The following PRKN variants were observed in gnomAD, a reference collection of about 807,000 sequenced individuals.
PRKN encodes E3 ubiquitin-protein ligase parkin.
In PRKN, 56 loss-of-function variants were observed where a neutral mutation model predicts 59.5. That is an observed-to-expected ratio of 0.94 (90% CI 0.76 to 1.18). The LOEUF is 1.18. PRKN is among the 50% of genes most tolerant of loss of function. The pLI is 0.00. For missense variants in PRKN, 657 were observed against 596.4 expected, an observed-to-expected ratio of 1.10 and a Z score of -1.06; for synonymous variants, 250 against 222.1, an observed-to-expected ratio of 1.13 and a Z score of -1.12.
chr6:162,143,180 G>T (rs911114738), intron 4 of PRKN, among the ~76,000 whole-genome samples: 2 of 152,236 alleles, frequency 1.3e-5, no homozygotes, highest in African/African-American at 4.8e-5. Flanking sequence ...TGGTAAAATG[G>T]CCACCCACAA....
At chr6:162,707,138 C>T (rs531670394) in intron 1 of PRKN, among the ~76,000 whole-genome samples, 2 of 151,978 alleles carry the variant, frequency 1.3e-5, no homozygotes, top group Non-Finnish European at 2.9e-5. Flanking sequence ...AGCAGAGTTT[C>T]CCCAGCAAAT....
chr6:161,927,689 T>A (rs1416253160), intron 6 of PRKN, among the ~76,000 whole-genome samples: 1 of 152,114 alleles, frequency 6.6e-6, no homozygotes, highest in Non-Finnish European at 1.5e-5. Context: ...AAAATTACTT[T>A]GCTTGAACTT....
intron 7 of PRKN, among the ~76,000 whole-genome samples, chr6:161,617,672 T>C (rs756312590): frequency 2.6e-5 from 4 of 152,232 alleles, no homozygotes; most frequent in Non-Finnish European, 5.9e-5. Context: ...TTTTTTCTTA[T>C]TTCTTTTTAG....
chr6:162,547,987 C>T (rs1779183479), intron 1 of PRKN, among the ~76,000 whole-genome samples: 1 of 152,172 alleles, frequency 6.6e-6, no homozygotes. Flanking sequence ...ACAAAGTCAG[C>T]AGGGATCGAG....
At chr6:162,317,111 T>C (rs1201487911) in intron 2 of PRKN, among the ~76,000 whole-genome samples, 3 of 152,036 alleles carry the variant, frequency 2.0e-5, no homozygotes, top group Non-Finnish European at 2.9e-5. Flanking sequence ...AAGCATATCA[T>C]TTACCAATAA....
intron 8 of PRKN, among the ~76,000 whole-genome samples, chr6:161,563,061 C>T (rs1780514041): frequency 6.6e-6 from 1 of 152,068 alleles, no homozygotes; most frequent in African/African-American, 2.4e-5. Context: ...TCCTTGGGGG[C>T]ACTGGATGTG....
At chr6:162,360,101 G>A (rs1785070049) in intron 2 of PRKN, among the ~76,000 whole-genome samples, 1 of 151,926 alleles carries the variant, frequency 6.6e-6, no homozygotes, top group Non-Finnish European at 1.5e-5. Flanking sequence ...GTGGGTGGGT[G>A]TGGGTGTGGG....
At position 161,497,552 on chromosome 6, in the gene PRKN, A is replaced by T. The variant is rs1243341268; in HGVS notation, c.1083+51302T>A. Among the ~76,000 whole-genome samples the T allele has an allele frequency of 8.0e-6, 1 of 125,166 alleles. No individual in the cohort carries two copies. Among genetic ancestry groups the T allele is most frequent in the Non-Finnish European group, 1.6e-5 (1 of 61,826 alleles). The allele number at this position is 125,166 out of a possible 152,430, so 82.1% of individuals were successfully genotyped here. ...GTCTGTGTGTGTGCACAGTGCTTAC[A>T]TGTCTCTCTCTCTCTCTCTCTCTCT... is the stretch of plus-strand genomic sequence containing the variant. On this transcript the variant is annotated intron_variant, in intron 9 of 11. Transcript: ENST00000366898. This position sits in a 1 kb window ranked among gnomAD's most constrained non-coding sequence, Gnocchi z 4.6.
At chr6:162,109,251 C>CA (rs1780320699) in intron 4 of PRKN, among the ~76,000 whole-genome samples, 1 of 152,212 alleles carries the variant, frequency 6.6e-6, no homozygotes, top group African/African-American at 2.4e-5. Flanking sequence ...GCCCCACCTC[C>CA]AGAGTTGACT....
chr6:161,835,374 C>T (rs893388046), intron 6 of PRKN, among the ~76,000 whole-genome samples: 1 of 152,066 alleles, frequency 6.6e-6, no homozygotes, highest in African/African-American at 2.4e-5. Context: ...CTCCACACCC[C>T]CTGGGAAACG....
intron 8 of PRKN, among the ~76,000 whole-genome samples, chr6:161,569,055 T>C (rs1409708369): frequency 1.3e-5 from 2 of 152,190 alleles, no homozygotes; most frequent in Non-Finnish European, 2.9e-5. Context: ...TCAGGCATAA[T>C]TCATCTCTGC....
At chr6:161,541,463 G>A (rs1019111990) in intron 9 of PRKN, among the ~76,000 whole-genome samples, 8 of 152,156 alleles carry the variant, frequency 5.3e-5, no homozygotes, top group Admixed American at 3.9e-4. Context: ...TTCTCCAATC[G>A]ATTTGCCATA....
chr6:162,511,373 AGTTT>A (rs1455129224), intron 1 of PRKN, among the ~76,000 whole-genome samples: 2 of 152,116 alleles, frequency 1.3e-5, no homozygotes, highest in African/African-American at 4.8e-5. Flanking sequence ...CTTAAAGTGC[AGTTT>A]GTTTTACCTG....
At chr6:162,318,818 T>C (rs1326309766) in intron 2 of PRKN, among the ~76,000 whole-genome samples, 1 of 151,998 alleles carries the variant, frequency 6.6e-6, no homozygotes, top group African/African-American at 2.4e-5. Flanking sequence ...CAAAAACGAA[T>C]TGAAAAAACA....
chr6:162,173,050 C>T (rs1032013246), intron 4 of PRKN, among the ~76,000 whole-genome samples: 6 of 152,174 alleles, frequency 3.9e-5, no homozygotes, highest in African/African-American at 1.2e-4. Context: ...GAAGGAGAAA[C>T]TGGGGGGCAG....
intron 3 of PRKN, among the ~76,000 whole-genome samples, chr6:162,237,786 T>C (rs907768313): frequency 9.5e-5 from 14 of 147,566 alleles, no homozygotes; most frequent in Admixed American, 2.7e-4. Flanking sequence ...ATATCAGATA[T>C]TTGGTTAAAA....
At chr6:161,789,360 C>T (rs1245010376) in intron 6 of PRKN, among the ~76,000 whole-genome samples, 1 of 152,122 alleles carries the variant, frequency 6.6e-6, no homozygotes, top group Non-Finnish European at 1.5e-5. Context: ...AAATAAACTG[C>T]CCCTCCCCTA....
intron 5 of PRKN, among the ~76,000 whole-genome samples, chr6:162,044,864 C>G (rs2128282949): frequency 6.6e-6 from 1 of 152,300 alleles, no homozygotes; most frequent in Non-Finnish European, 1.5e-5. Flanking sequence ...ATGCGTGTTT[C>G]ACATCACTCA....
chr6:162,217,053 G>C (rs1777708071), intron 3 of PRKN, among the ~76,000 whole-genome samples: 1 of 152,138 alleles, frequency 6.6e-6, no homozygotes, highest in South Asian at 2.1e-4. Context: ...GACAAATATA[G>C]TATCCTTGTA....
Sources: allele counts gnomAD v4.1 joint callset (sites outside exome capture counted in the v4.1 genomes callset), GRCh38; gene constraint gnomAD v4.1.1; non-coding constraint Gnocchi (gnomAD v3.1); transcripts MANE v1.5; gene names NCBI Gene and HGNC (gene_info 2026-07-23, HGNC 2026-07-21).